The following PTPN11 variants were observed in gnomAD, a reference collection of about 807,000 sequenced individuals.
PTPN11 encodes the protein tyrosine-protein phosphatase non-receptor type 11.
A neutral mutation model predicts 78.8 loss-of-function variants in PTPN11; 6 were observed. That is an observed-to-expected ratio of 0.08 (90% CI 0.04 to 0.15). The LOEUF is 0.15. Among genes scored for constraint, PTPN11 ranks in the 10% least tolerant of loss-of-function variants. PTPN11 has a pLI of 1.00. For synonymous variants in PTPN11, 221 were observed against 263.5 expected (o/e 0.84, Z 1.56); for missense variants, 386 against 744.8 (o/e 0.52, Z 5.61).
rs727505380 is a variant in PTPN11, at chr12:112,489,208, A to G, written c.1599+33A>G. The G allele has an allele frequency of 4.2e-5, 67 of 1,613,298 alleles. No individual in the cohort carries two copies. Among genetic ancestry groups the G allele is most frequent in the Non-Finnish European group, 4.4e-5 (52 of 1,179,280 alleles). ...CCTGAGGGCTGGCATGCGGATTCTCATTCTCTTGCTAGGCCTCTTGGATAC... is the reference window on the plus strand; with the variant it reads ...CCTGAGGGCTGGCATGCGGATTCTCGTTCTCTTGCTAGGCCTCTTGGATAC... On this transcript the variant is annotated intron_variant, in intron 13 of 15. Transcript: ENST00000351677.
Position 112,502,345 on chromosome 12 carries a change from G to A in PTPN11, c.1712+89G>A, listed in dbSNP as rs557315814. The stretch of plus-strand genomic sequence containing the variant: ...AAAAACAAAAACAAAACACAAGTTT[G>A]TAGCACATGCCTTTCACTGGTGCAC... On this transcript the variant is annotated intron_variant, in intron 14 of 15. Coordinates refer to ENST00000351677, the MANE Select transcript of PTPN11 (RefSeq NM_002834.5). The A allele has an allele frequency of 9.8e-5, 103 of 1,052,272 alleles. No homozygotes were observed. In the African/African-American group the frequency reaches 1.5e-3, roughly 15 times the overall value. 65.2% of individuals were successfully genotyped at this position (1,052,272 alleles called of 1,614,324 possible). A position where few individuals can be genotyped will look rare whatever the true frequency, so the allele number is the denominator to read the frequency against.
chr12:112,482,058 T>C lies in PTPN11; in HGVS notation c.1093-16T>C, dbSNP rs1360573749. 3 of 1,551,850 alleles carry C rather than the reference T, an allele frequency of 1.9e-6. No homozygotes were observed. Among genetic ancestry groups the C allele is most frequent in the Non-Finnish European group, 1.8e-6 (2 of 1,124,002 alleles). On this transcript the variant is annotated splice_polypyrimidine_tract_variant and intron_variant, in intron 9 of 15. Transcript: ENST00000351677. This position sits in a 1 kb window ranked among gnomAD's most constrained non-coding sequence, Gnocchi z 4.4. ...AGTTCACAGAATTAACTTTCTTTTTTTCTGATCTCTTCCAGAGTAAATGTG... is the reference window on the plus strand; with the variant it reads ...AGTTCACAGAATTAACTTTCTTTTTCTCTGATCTCTTCCAGAGTAAATGTG...
intron 2 of PTPN11, among the ~76,000 whole-genome samples, chr12:112,449,556 G>A (rs530828968): frequency 6.6e-6 from 1 of 152,184 alleles, no homozygotes; most frequent in African/African-American, 2.4e-5. Context: ...TCCATTGTAT[G>A]AGTAGTAACA....
At chr12:112,471,718 A>G (rs1173160654) in intron 6 of PTPN11, among the ~76,000 whole-genome samples, 2 of 148,038 alleles carry the variant, frequency 1.4e-5, no homozygotes, top group Non-Finnish European at 3.0e-5. Context: ...ACCCTGGGAG[A>G]AAAAAAAAAT....
intron 13 of PTPN11, among the ~76,000 whole-genome samples, chr12:112,499,563 C>T (rs1341117803): frequency 6.6e-6 from 1 of 152,192 alleles, no homozygotes; most frequent in East Asian, 1.9e-4. Context: ...TTGTCTTGAA[C>T]TCCTAACCTC....
At chr12:112,448,082 A>G (rs573088281) in intron 2 of PTPN11, among the ~76,000 whole-genome samples, 70 of 152,232 alleles carry the variant, frequency 4.6e-4, no homozygotes, top group Non-Finnish European at 7.9e-4. Flanking sequence ...GGTTACAGGC[A>G]TGAGCTATCG....
intron 3 of PTPN11, among the ~76,000 whole-genome samples, chr12:112,451,432 G>A (rs2038077609): frequency 6.6e-6 from 1 of 152,120 alleles, no homozygotes; most frequent in Non-Finnish European, 1.5e-5. Flanking sequence ...AGATCCTGAG[G>A]GAAAAAGCCA....
intron 9 of PTPN11, among the ~76,000 whole-genome samples, chr12:112,479,179 A>G (rs940951700): frequency 2.0e-5 from 3 of 152,110 alleles, no homozygotes; most frequent in Non-Finnish European, 4.4e-5. Flanking sequence ...GTAACACCCC[A>G]CACCTACAGA....
chr12:112,477,532 G>GTT, intron 7 of PTPN11, 119 bp from the exon 8 acceptor site: 3 of 779,018 alleles, frequency 3.9e-6, no homozygotes, highest in East Asian at 2.6e-5. Context: ...ATTTTTATGT[G>GTT]TTTTTTTTTC....
chr12:112,438,017 C>T (rs1481452615), intron 1 of PTPN11, among the ~76,000 whole-genome samples: 1 of 152,162 alleles, frequency 6.6e-6, no homozygotes, highest in Non-Finnish European at 1.5e-5. Context: ...CCCCTGGAAT[C>T]ATGCCCCTTT....
At chr12:112,468,369 C>G (rs1035171669) in intron 6 of PTPN11, among the ~76,000 whole-genome samples, 2 of 152,156 alleles carry the variant, frequency 1.3e-5, no homozygotes, top group African/African-American at 2.4e-5. Flanking sequence ...AACCATAAGC[C>G]TGGTGCTGGG....
chr12:112,491,381 TTC>T (rs1374857549), intron 13 of PTPN11, among the ~76,000 whole-genome samples: 2 of 152,160 alleles, frequency 1.3e-5, no homozygotes, highest in Admixed American at 6.5e-5. Context: ...CATTCGTTTA[TTC>T]TCTCTGTTTA....
intron 13 of PTPN11, among the ~76,000 whole-genome samples, chr12:112,489,747 C>T (rs2038723101): frequency 6.6e-6 from 1 of 152,150 alleles, no homozygotes; most frequent in Admixed American, 6.5e-5. Flanking sequence ...ATGAGGAGAG[C>T]TGCTCTTTTG....
Position 112,472,165 on chromosome 12 carries a change from T to C in PTPN11, c.757-779T>C, listed in dbSNP as rs1034335771. 2.0e-5 allele frequency among the ~76,000 whole-genome samples: 3 copies of C among 152,168 alleles called. 1 individual carries two copies. The highest frequency in any genetic ancestry group is 1.3e-4 in the Admixed American group (2 of 15,270). On this transcript the variant is annotated intron_variant, in intron 6 of 15. Coordinates refer to ENST00000351677, the MANE Select transcript of PTPN11 (RefSeq NM_002834.5). ...AAGAAAAAAAATTAAAACATTTTTT[T>C]CTTTTTAAGATAGCGTCTCATTTTG...
At chr12:112,468,571 G>A (rs2038365421) in intron 6 of PTPN11, among the ~76,000 whole-genome samples, 1 of 152,160 alleles carries the variant, frequency 6.6e-6, no homozygotes, top group African/African-American at 2.4e-5. Flanking sequence ...GGAAGGAGCC[G>A]GGGGAGAGAT....
intron 1 of PTPN11, among the ~76,000 whole-genome samples, chr12:112,421,626 T>C (rs1386485223): frequency 1.3e-5 from 2 of 151,978 alleles, no homozygotes; most frequent in Non-Finnish European, 2.9e-5. Flanking sequence ...TAGAATTTTA[T>C]TATTATTGTT....
Position 112,509,496 on chromosome 12 carries a change from A to G in PTPN11, c.*3704A>G, listed in dbSNP as rs865852938. On this transcript the variant is annotated 3_prime_UTR_variant, in exon 16 of 16. Transcript: ENST00000351677. ...GATTAAGCTGATGACTAGACCTACA[A>G]TTAATTTTCCTGCAGTATATGAAGT... 2.0e-5 allele frequency: 3 copies of G among 152,640 alleles called. No individual in the cohort carries two copies. The highest frequency in any genetic ancestry group is 4.8e-5 in the African/African-American group (2 of 41,450). 9.5% of individuals were successfully genotyped at this position (152,640 alleles called of 1,614,324 possible). A position where few individuals can be genotyped will look rare whatever the true frequency, so the allele number is the denominator to read the frequency against.
At chr12:112,429,986 A>G (rs963145064) in intron 1 of PTPN11, among the ~76,000 whole-genome samples, 2 of 152,136 alleles carry the variant, frequency 1.3e-5, no homozygotes, top group Non-Finnish European at 2.9e-5. Flanking sequence ...TGTAATTTTA[A>G]CCAGCTGTAA....
At chr12:112,476,065 A>G (rs2038497195) in intron 7 of PTPN11, among the ~76,000 whole-genome samples, 1 of 152,102 alleles carries the variant, frequency 6.6e-6, no homozygotes, top group South Asian at 2.1e-4. Context: ...TTGGCTTCCC[A>G]AAGTGCCAGG....
Sources: allele counts gnomAD v4.1 joint callset (sites outside exome capture counted in the v4.1 genomes callset), GRCh38; gene constraint gnomAD v4.1.1; non-coding constraint Gnocchi (gnomAD v3.1); transcripts MANE v1.5; gene names NCBI Gene and HGNC (gene_info 2026-07-23, HGNC 2026-07-21).